TUBAL3: variants seen among roughly 807,000 people sequenced by gnomAD.
The protein encoded by TUBAL3 is tubulin alpha like 3, also known as tubulin alpha chain-like 3.
TUBAL3 carries 16 observed loss-of-function variants against 15.5 expected under a neutral mutation model. The ratio of observed to expected loss-of-function variants is 1.04; its 90% CI spans 0.70 to 1.57. TUBAL3 has a LOEUF of 1.57. TUBAL3 is among the 40% of genes most tolerant of loss of function. TUBAL3 has a pLI of 0.00. For missense variants in TUBAL3, 609 were observed against 576.2 expected (o/e 1.06, Z -0.58); for synonymous variants, 238 against 224.3 (o/e 1.06, Z -0.55).
At position 5,399,382 on chromosome 10, in the gene TUBAL3, A is replaced by G. The variant is rs114687647; in HGVS notation, c.247+1462T>C. 7.3e-3 allele frequency among the ~76,000 whole-genome samples: 1,105 copies of G among 152,286 alleles called. 6 individuals carry two copies. The highest frequency in any genetic ancestry group is 0.025 in the African/African-American group (1,059 of 41,554). On this transcript the variant is annotated intron_variant, in intron 2 of 3. Coordinates refer to ENST00000380419, the MANE Select transcript of TUBAL3 (RefSeq NM_024803.3). ...ACTTCATTATGGGATTAGGGCCCTTATAAGAAGAGACACAGACTATTTCTC... is the reference window on the plus strand; with the variant it reads ...ACTTCATTATGGGATTAGGGCCCTTGTAAGAAGAGACACAGACTATTTCTC...
chr10:5,394,523 C>A lies in TUBAL3; in HGVS notation c.397-62G>T. The A allele has an allele frequency of 1.4e-6, 2 of 1,468,438 alleles. No homozygotes were observed. The highest frequency in any genetic ancestry group is 1.8e-6 in the Non-Finnish European group (2 of 1,091,750). 91.0% of individuals were successfully genotyped at this position (1,468,438 alleles called of 1,614,324 possible). A position where few individuals can be genotyped will look rare whatever the true frequency, so the allele number is the denominator to read the frequency against. ...ATAAATCCAGAAGCAGTGAATTGGA[C>A]AGTAGTGGCAGGATACAACAGGTTT... On this transcript the variant is annotated intron_variant, in intron 3 of 3. Coordinates refer to ENST00000380419, the MANE Select transcript of TUBAL3 (RefSeq NM_024803.3). The surrounding 1 kb of genome is among the most constrained non-coding windows in gnomAD (Gnocchi z 4.3).
rs1301589721 is a variant in TUBAL3 at position 5,395,921 on chromosome 10, C to A, written c.248-446G>T. Among the ~76,000 whole-genome samples, 1 of 152,144 alleles carries A rather than the reference C, an allele frequency of 6.6e-6. No homozygotes were observed. Reference sequence around the variant, plus strand: ...CTCCTTGGCTTCTAGCTACCCCCTTCCAATCTCTACCTCTGGCATACAAGC... The same window carrying A: ...CTCCTTGGCTTCTAGCTACCCCCTTACAATCTCTACCTCTGGCATACAAGC... On this transcript the variant is annotated intron_variant, in intron 2 of 3. Transcript: ENST00000380419. The surrounding 1 kb of genome is among the most constrained non-coding windows in gnomAD (Gnocchi z 4.6).
At position 5,393,708 on chromosome 10, in the gene TUBAL3, T is replaced by C. The variant is rs113149421; in HGVS notation, c.1150A>G (p.Met384Val). The C allele has an allele frequency of 2.5e-6, 4 of 1,614,236 alleles. No homozygotes were observed. In the African/African-American group the frequency reaches 4.0e-5, roughly 16 times the overall value. The change falls in exon 4 of 4, where the codon ATG becomes GTG. Residue 384 changes from methionine (M) to valine (V), a missense_variant. Transcript: ENST00000380419. ...DLAKVHRSIC[M>V]LSNTTAIVEA... Reference sequence around the variant, plus strand: ...ACAATCGCCGTGGTGTTGCTCAGCATGCAGATGGACCGGTGGACTTTGGCC... The same window carrying C: ...ACAATCGCCGTGGTGTTGCTCAGCACGCAGATGGACCGGTGGACTTTGGCC...
At position 5,404,735 on chromosome 10, in the gene TUBAL3, C is replaced by A. The variant is rs537139811; in HGVS notation, c.3+55G>T. 89 of 1,596,186 alleles carry A rather than the reference C, an allele frequency of 5.6e-5. 1 individual carries two copies. In the South Asian group the frequency reaches 9.2e-4, roughly 17 times the overall value. ...AGAATTGTTTGCTGTGGGAAAAGGGCCAAATATGATTAGTAAAATTTCCTA... is the reference window on the plus strand; with the variant it reads ...AGAATTGTTTGCTGTGGGAAAAGGGACAAATATGATTAGTAAAATTTCCTA... On this transcript the variant is annotated intron_variant, in intron 1 of 3. Transcript: ENST00000380419.
intron 2 of TUBAL3, among the ~76,000 whole-genome samples, chr10:5,399,190 T>C (rs984029467): frequency 6.6e-6 from 1 of 152,182 alleles, no homozygotes; most frequent in African/African-American, 2.4e-5. Flanking sequence ...GACAGAGTGT[T>C]GAAAGAATTA....
At chr10:5,400,694 A>G (rs1831836216) in intron 2 of TUBAL3, 150 bp downstream of exon 2, 2 of 838,942 alleles carry the variant, frequency 2.4e-6, no homozygotes, top group Non-Finnish European at 3.7e-6. Context: ...TGTCATGTTA[A>G]TCACCCATGG....
chr10:5,393,244 C>A lies in TUBAL3; in HGVS notation c.*273G>T. ...AGGATTTCATTGTCTCTTGGTAAAA[C>A]AAAAAAATCCCACCTAGAAGTGACT... is the stretch of plus-strand genomic sequence containing the variant. On this transcript the variant is annotated 3_prime_UTR_variant, in exon 4 of 4. Coordinates refer to ENST00000380419, the MANE Select transcript of TUBAL3 (RefSeq NM_024803.3). 1 of 346,306 alleles carries A rather than the reference C, an allele frequency of 2.9e-6. No homozygotes were observed. The highest frequency in any genetic ancestry group is 5.2e-6 in the Non-Finnish European group (1 of 192,906). The allele number at this position is 346,306 out of a possible 1,614,324, so 21.5% of individuals were successfully genotyped here. A position where few individuals can be genotyped will look rare whatever the true frequency, so the allele number is the denominator to read the frequency against.
At position 5,397,966 on chromosome 10, in the gene TUBAL3, G is replaced by A. The variant is rs1263459182; in HGVS notation, c.248-2491C>T. Among the ~76,000 whole-genome samples, 3 of 152,122 alleles carry A rather than the reference G, an allele frequency of 2.0e-5. No homozygotes were observed. Among genetic ancestry groups the A allele is most frequent in the Admixed American group, 6.5e-5 (1 of 15,268 alleles). ...TTGCGGGGCATTCCTTCATGACTCT[G>A]AATTTGCAAATGCTGTCACCTCATG... On this transcript the variant is annotated intron_variant, in intron 2 of 3. Transcript: ENST00000380419. This position sits in a 1 kb window ranked among gnomAD's most constrained non-coding sequence, Gnocchi z 4.9.
intron 1 of TUBAL3, among the ~76,000 whole-genome samples, chr10:5,403,519 C>T (rs1341176295): frequency 6.7e-6 from 1 of 148,370 alleles, no homozygotes; most frequent in African/African-American, 2.5e-5. Context: ...TCATAATAGT[C>T]ACAGTAAAAA....
At chr10:5,402,289 G>GA (rs1324799484) in intron 1 of TUBAL3, among the ~76,000 whole-genome samples, 2 of 151,724 alleles carry the variant, frequency 1.3e-5, no homozygotes, top group Admixed American at 6.6e-5. Flanking sequence ...GAGAAGGAAA[G>GA]AAAAAAAATG....
rs1053994041 is a variant in TUBAL3, at chr10:5,396,651, G to T, written c.248-1176C>A. 2.0e-5 allele frequency among the ~76,000 whole-genome samples: 3 copies of T among 152,206 alleles called. No homozygotes were observed. Among genetic ancestry groups the T allele is most frequent in the Non-Finnish European group, 2.9e-5 (2 of 68,042 alleles). On this transcript the variant is annotated intron_variant, in intron 2 of 3. Transcript: ENST00000380419. The surrounding 1 kb of genome is among the most constrained non-coding windows in gnomAD (Gnocchi z 5.1). ...AATGCTGAGTGCATAAATGCATGACGCAGGACAATTGGCGTTAAGATGTTG... is the reference window on the plus strand; with the variant it reads ...AATGCTGAGTGCATAAATGCATGACTCAGGACAATTGGCGTTAAGATGTTG...
In TUBAL3 at chr10:5,395,479, C is replaced by A; in HGVS notation, c.248-4G>T. The A allele has an allele frequency of 6.6e-7, 1 of 1,517,038 alleles. No individual in the cohort carries two copies. The highest frequency in any genetic ancestry group is 8.9e-7 in the Non-Finnish European group (1 of 1,121,506). The allele number at this position is 1,517,038 out of a possible 1,614,324, so 94.0% of individuals were successfully genotyped here. A position where few individuals can be genotyped will look rare whatever the true frequency, so the allele number is the denominator to read the frequency against. ...TGCTGGCCCGTCCGGATCCCATCTGCAGAGGGTGAAAGGAGGTCAGTGCAA... is the reference window on the plus strand; with the variant it reads ...TGCTGGCCCGTCCGGATCCCATCTGAAGAGGGTGAAAGGAGGTCAGTGCAA... On this transcript the variant is annotated splice_polypyrimidine_tract_variant and splice_region_variant and intron_variant, in intron 2 of 3. Transcript: ENST00000380419. The surrounding 1 kb of genome is among the most constrained non-coding windows in gnomAD (Gnocchi z 4.6).
chr10:5,404,746 T>C (rs1831904314), intron 1 of TUBAL3, 44 bp downstream of exon 1: 3 of 1,608,266 alleles, frequency 1.9e-6, no homozygotes, highest in Non-Finnish European at 2.6e-6. Context: ...CAAATATGAT[T>C]AGTAAAATTT....
chr10:5,396,878 T>C lies in TUBAL3; in HGVS notation c.248-1403A>G, dbSNP rs1303628101. On this transcript the variant is annotated intron_variant, in intron 2 of 3. Transcript: ENST00000380419. The surrounding 1 kb of genome is among the most constrained non-coding windows in gnomAD (Gnocchi z 5.1). The stretch of plus-strand genomic sequence containing the variant: ...GATACTGCATTGCTTAGTAGTTAAA[T>C]GCATGTTTCAAGAATCAGTTTCCTG... Among the ~76,000 whole-genome samples, 2 of 152,230 alleles carry C rather than the reference T, an allele frequency of 1.3e-5. No homozygotes were observed. The highest frequency in any genetic ancestry group is 2.9e-5 in the Non-Finnish European group (2 of 68,034).
intron 1 of TUBAL3, among the ~76,000 whole-genome samples, chr10:5,403,996 A>G (rs1258409328): frequency 3.3e-5 from 5 of 152,250 alleles, no homozygotes; most frequent in Admixed American, 6.5e-5. Flanking sequence ...CAGTGGAAAC[A>G]TCTTGCAAGA....
rs1356493501 is a variant in TUBAL3, at chr10:5,394,615, T to G, written c.397-154A>C. ...TTAACTCCACAACAAACATAGCTAC[T>G]TTGAAATACTCTCAAGGGGACTTCT... On this transcript the variant is annotated intron_variant, in intron 3 of 3. Coordinates refer to ENST00000380419, the MANE Select transcript of TUBAL3 (RefSeq NM_024803.3). The surrounding 1 kb of genome is among the most constrained non-coding windows in gnomAD (Gnocchi z 4.3). Among the ~76,000 whole-genome samples, 3 of 152,198 alleles carry G rather than the reference T, an allele frequency of 2.0e-5. No individual in the cohort carries two copies. Among genetic ancestry groups the G allele is most frequent in the Non-Finnish European group, 4.4e-5 (3 of 68,028 alleles).
In TUBAL3 at chr10:5,395,567, A is replaced by T; in HGVS notation, c.248-92T>A. On this transcript the variant is annotated intron_variant, in intron 2 of 3. Transcript: ENST00000380419. This position sits in a 1 kb window ranked among gnomAD's most constrained non-coding sequence, Gnocchi z 4.6. The stretch of plus-strand genomic sequence containing the variant: ...TCCTCCTGGAGCCTCCCCGTACTTG[A>T]CTCCCATGCTTTCTCTCAATATTGT... 7.8e-7 allele frequency: 1 copy of T among 1,275,322 alleles called. No individual in the cohort carries two copies. Among genetic ancestry groups the T allele is most frequent in the Non-Finnish European group, 1.0e-6 (1 of 974,190 alleles). The allele number at this position is 1,275,322 out of a possible 1,614,324, so 79.0% of individuals were successfully genotyped here.
rs1321177324 is a variant in TUBAL3, at chr10:5,395,821, G to A, written c.248-346C>T. 6.6e-6 allele frequency among the ~76,000 whole-genome samples: 1 copy of A among 152,140 alleles called. No homozygotes were observed. Among genetic ancestry groups the A allele is most frequent in the East Asian group, 1.9e-4 (1 of 5,198 alleles). On this transcript the variant is annotated intron_variant, in intron 2 of 3. Coordinates refer to ENST00000380419, the MANE Select transcript of TUBAL3 (RefSeq NM_024803.3). This position sits in a 1 kb window ranked among gnomAD's most constrained non-coding sequence, Gnocchi z 4.6. ...TAACATCAAGGCGTTGGTAGGCTTGGTTCCTGCTGGAGGCCCCAGGGAGCG... is the reference window on the plus strand; with the variant it reads ...TAACATCAAGGCGTTGGTAGGCTTGATTCCTGCTGGAGGCCCCAGGGAGCG...
chr10:5,395,485 G>T lies in TUBAL3; in HGVS notation c.248-10C>A. The T allele has an allele frequency of 6.7e-7, 1 of 1,498,790 alleles. No individual in the cohort carries two copies. The highest frequency in any genetic ancestry group is 9.0e-7 in the Non-Finnish European group (1 of 1,111,966). 92.8% of individuals were successfully genotyped at this position (1,498,790 alleles called of 1,614,324 possible). ...CCCGTCCGGATCCCATCTGCAGAGG[G>T]TGAAAGGAGGTCAGTGCAACTCACC... On this transcript the variant is annotated splice_polypyrimidine_tract_variant and intron_variant, in intron 2 of 3. Transcript: ENST00000380419. This position sits in a 1 kb window ranked among gnomAD's most constrained non-coding sequence, Gnocchi z 4.6.
Sources: allele counts gnomAD v4.1 joint callset (sites outside exome capture counted in the v4.1 genomes callset), GRCh38; gene constraint gnomAD v4.1.1; non-coding constraint Gnocchi (gnomAD v3.1); transcripts MANE v1.5; gene names NCBI Gene and HGNC (gene_info 2026-07-23, HGNC 2026-07-21).